The following EML1 variants were observed in gnomAD, a reference collection of about 807,000 sequenced individuals.
EML1 encodes the protein EMAP like 1.
EML1 carries 27 observed loss-of-function variants against 110.4 expected under a neutral mutation model. The ratio of observed to expected loss-of-function variants is 0.24; its 90% CI spans 0.18 to 0.34. The LOEUF is 0.34. EML1 is among the 10% of genes least tolerant of loss of function. The pLI, the probability that EML1 is intolerant of heterozygous loss-of-function variation, is 1.00. For synonymous variants in EML1, 344 were observed against 385.8 expected (o/e 0.89, Z 1.27); for missense variants, 741 against 1,030.9 (o/e 0.72, Z 3.85).
At chr14:99,807,890 A>G (rs1566875171) in intron 1 of EML1, among the ~76,000 whole-genome samples, 1 of 152,114 alleles carries the variant, frequency 6.6e-6, no homozygotes, top group African/African-American at 2.4e-5. Context: ...TAGGTATCTC[A>G]TAAATGTTAG....
At chr14:99,860,117 C>T (rs2058977248) in intron 2 of EML1, among the ~76,000 whole-genome samples, 2 of 152,174 alleles carry the variant, frequency 1.3e-5, no homozygotes, top group South Asian at 2.1e-4. Context: ...CACCTGGGCA[C>T]CTCTTACCCC....
At position 99,851,055 on chromosome 14, in the gene EML1, A is replaced by G. The variant is rs192579333; in HGVS notation, c.250+20A>G. 14 of 1,598,974 alleles carry G rather than the reference A, an allele frequency of 8.8e-6. No homozygotes were observed. The East Asian group carries it at 2.5e-4, about 28-fold the overall frequency. On this transcript the variant is annotated intron_variant, in intron 2 of 21. Transcript: ENST00000262233. ...CCAAAGGTGGGCGTTTGAGTGACACAGGAACTTCAGTAGAATTGGTCTCGT... is the reference window on the plus strand; with the variant it reads ...CCAAAGGTGGGCGTTTGAGTGACACGGGAACTTCAGTAGAATTGGTCTCGT...
chr14:99,855,576 G>T (rs1291415093), intron 2 of EML1, among the ~76,000 whole-genome samples: 1 of 152,080 alleles, frequency 6.6e-6, no homozygotes, highest in Non-Finnish European at 1.5e-5. Flanking sequence ...ATGTATCTGG[G>T]ATTGTCTATT....
At chr14:99,856,140 G>A (rs1342252353) in intron 2 of EML1, among the ~76,000 whole-genome samples, 1 of 152,196 alleles carries the variant, frequency 6.6e-6, no homozygotes, top group Non-Finnish European at 1.5e-5. Flanking sequence ...ACCTCTGGGA[G>A]GTTTAGTGAT....
chr14:99,762,435 GC>G (rs1162960460), intron 1 of EML1, among the ~76,000 whole-genome samples: 1 of 152,104 alleles, frequency 6.6e-6, no homozygotes, highest in Non-Finnish European at 1.5e-5. Context: ...CACTGTTTGG[GC>G]TTCTAATACT....
At chr14:99,869,463 C>T (rs541286644) in intron 3 of EML1, among the ~76,000 whole-genome samples, 16 of 152,270 alleles carry the variant, frequency 1.1e-4, no homozygotes, top group African/African-American at 3.9e-4. Context: ...CCATTGGCCT[C>T]CCTTTTCCCT....
chr14:99,927,886 T>TGGGGGTGGGGGTGGG (rs1262759394), intron 17 of EML1, among the ~76,000 whole-genome samples: 1 of 20,130 alleles, frequency 5.0e-5, no homozygotes, highest in Non-Finnish European at 1.0e-4. Flanking sequence ...GCGGTGGTGG[T>TGGGGGTGGGGGTGGG]GGTGGTGGTG....
At chr14:99,769,922 C>A (rs1369779879), upstream of EML1, among the ~76,000 whole-genome samples, 1 of 152,226 alleles carries the variant, frequency 6.6e-6, no homozygotes, top group East Asian at 1.9e-4. Flanking sequence ...ACCCCTCCAA[C>A]CACATTCCCT....
At chr14:99,741,016 C>T (rs765529722) in intron 1 of EML1, among the ~76,000 whole-genome samples, 12 of 152,216 alleles carry the variant, frequency 7.9e-5, no homozygotes, top group Admixed American at 2.0e-4. Flanking sequence ...ACTTTACAAT[C>T]CTAAGCACCG....
chr14:99,927,720 A>T (rs1023201214), intron 17 of EML1, among the ~76,000 whole-genome samples: 1 of 123,862 alleles, frequency 8.1e-6, no homozygotes, highest in African/African-American at 3.1e-5. Context: ...GAGATAATAC[A>T]TTTGCTTTCT....
intron 1 of EML1, chr14:99,838,918 C>CGCGCGCGTGTGTGG (rs3071409): frequency 3.0e-5 from 1 of 33,614 alleles, no homozygotes; most frequent in African/African-American, 8.7e-5. Flanking sequence ...CGCGCGCGCG[C>CGCGCGCGTGTGTGG]GTGTGTGTGT....
At chr14:99,892,307 G>T in intron 5 of EML1, 2 of 682,738 alleles carry the variant, frequency 2.9e-6, no homozygotes, top group Non-Finnish European at 3.6e-6. Flanking sequence ...AAATGTTTTT[G>T]TGTTGCAAAC....
intron 1 of EML1, chr14:99,850,236 G>A (rs749628918): frequency 8.0e-7 from 1 of 1,248,842 alleles, no homozygotes; most frequent in Non-Finnish European, 1.1e-6. Context: ...AGCACAGTAA[G>A]TGAAGGGAAG....
rs1192149150 is a variant in EML1 at position 99,763,057 on chromosome 14, A to G, written c.28+25197A>G. 1.3e-5 allele frequency among the ~76,000 whole-genome samples: 2 copies of G among 152,064 alleles called. 1 individual carries two copies. The highest frequency in any genetic ancestry group is 4.8e-5 in the African/African-American group (2 of 41,396). On this transcript the variant is annotated intron_variant, in intron 1 of 10. Coordinates refer to the EML1 transcript ENST00000554479. ...GGCAGGTCTTTCCCATGCTGTTCTC[A>G]TCATAGTAAGTATCACGAGATCTGA...
chr14:99,917,151 CGG>C (rs1167627817), intron 15 of EML1, among the ~76,000 whole-genome samples: 1 of 152,114 alleles, frequency 6.6e-6, no homozygotes, highest in Non-Finnish European at 1.5e-5. Context: ...CCACTCAGCA[CGG>C]GGAGTCAACT....
intron 1 of EML1, among the ~76,000 whole-genome samples, chr14:99,751,391 G>A (rs1478825993): frequency 6.6e-6 from 1 of 152,206 alleles, no homozygotes. Context: ...GGCAGCAGCA[G>A]CTGCTGAATG....
chr14:99,778,708 TATTCCACTTGCA>T (rs1452628348), intron 1 of EML1, among the ~76,000 whole-genome samples: 3 of 152,256 alleles, frequency 2.0e-5, no homozygotes, highest in Non-Finnish European at 2.9e-5. Flanking sequence ...GAAATGTCTT[TATTCCACTTGCA>T]CACATGATTT....
intron 3 of EML1, among the ~76,000 whole-genome samples, chr14:99,871,103 C>T (rs2059194204): frequency 6.6e-6 from 1 of 152,184 alleles, no homozygotes; most frequent in African/African-American, 2.4e-5. Flanking sequence ...ATTACAGGCG[C>T]ACACCACCAT....
At chr14:99,739,065 A>T (rs1413805196) in intron 1 of EML1, among the ~76,000 whole-genome samples, 6 of 139,024 alleles carry the variant, frequency 4.3e-5, no homozygotes, top group South Asian at 4.8e-4. Context: ...AGAGTGTGAG[A>T]GTGTGTGTGT....
Sources: allele counts gnomAD v4.1 joint callset (sites outside exome capture counted in the v4.1 genomes callset), GRCh38; gene constraint gnomAD v4.1.1; transcripts MANE v1.5; gene names NCBI Gene and HGNC (gene_info 2026-07-23, HGNC 2026-07-21).